TMEM232: variants seen among roughly 807,000 people sequenced by gnomAD.
TMEM232 encodes transmembrane protein 232.
Under a neutral mutation model 78.8 loss-of-function variants are expected in TMEM232, and 80 were observed. That is an observed-to-expected ratio of 1.01 (90% CI 0.85 to 1.22). TMEM232 has a LOEUF of 1.22. Ranked by LOEUF, TMEM232 falls within the 50% of genes most tolerant of loss-of-function variation. The pLI is 0.00. For synonymous variants in TMEM232, 297 were observed against 254.3 expected, an observed-to-expected ratio of 1.17 and a Z score of -1.60; for missense variants, 881 against 742.2, an observed-to-expected ratio of 1.19 and a Z score of -2.17.
At chr5:110,672,344 A>G (rs927918097) in intron 1 of TMEM232, among the ~76,000 whole-genome samples, 29 of 152,198 alleles carry the variant, frequency 1.9e-4, no homozygotes, top group African/African-American at 6.5e-4. Context: ...GGGATGGAAT[A>G]AAACATCAAA....
intron 12 of TMEM232, among the ~76,000 whole-genome samples, chr5:110,481,004 G>A (rs1763802251): frequency 1.3e-5 from 2 of 151,952 alleles, no homozygotes; most frequent in South Asian, 2.1e-4. Context: ...AATAGGCTTG[G>A]TTAGTTGCTA....
intron 10 of TMEM232, among the ~76,000 whole-genome samples, chr5:110,584,553 A>G (rs1013754974): frequency 6.6e-6 from 1 of 151,976 alleles, no homozygotes; most frequent in African/African-American, 2.4e-5. Context: ...TACAAGATGA[A>G]TAAGTTCTAG....
At chr5:110,723,569 G>T (rs1797866929) in intron 1 of TMEM232, among the ~76,000 whole-genome samples, 1 of 152,030 alleles carries the variant, frequency 6.6e-6, no homozygotes, top group Non-Finnish European at 1.5e-5. Flanking sequence ...TAGACTGTTA[G>T]CTATTAGCAA....
intron 12 of TMEM232, among the ~76,000 whole-genome samples, chr5:110,463,800 C>A (rs1021331629): frequency 1.3e-5 from 2 of 152,152 alleles, no homozygotes; most frequent in Non-Finnish European, 2.9e-5. Flanking sequence ...TACTCCACAC[C>A]CTCCATTGCA....
At chr5:110,611,372 T>C (rs956384893) in intron 8 of TMEM232, among the ~76,000 whole-genome samples, 3 of 152,170 alleles carry the variant, frequency 2.0e-5, no homozygotes, top group Non-Finnish European at 2.9e-5. Context: ...TTAGCCTGTC[T>C]GTTAAAAGGC....
intron 1 of TMEM232, among the ~76,000 whole-genome samples, chr5:110,721,507 A>G (rs899478538): frequency 5.3e-5 from 8 of 151,070 alleles, no homozygotes; most frequent in African/African-American, 1.7e-4. Flanking sequence ...AGAGTACCTC[A>G]TAAGTAAGAA....
chr5:110,628,045 A>T (rs1324100111), intron 5 of TMEM232, among the ~76,000 whole-genome samples, 165 bp from the exon 6 acceptor site: 1 of 152,100 alleles, frequency 6.6e-6, no homozygotes, highest in African/African-American at 2.4e-5. Flanking sequence ...ATTTATATCA[A>T]GATTGAAATG....
chr5:110,696,148 C>T (rs1239141428), intron 1 of TMEM232, among the ~76,000 whole-genome samples: 1 of 152,106 alleles, frequency 6.6e-6, no homozygotes, highest in Non-Finnish European at 1.5e-5. Context: ...GCTGGTTCAC[C>T]ATACGAAAAT....
chr5:110,693,063 C>T (rs1000579528), intron 1 of TMEM232, among the ~76,000 whole-genome samples: 5 of 152,162 alleles, frequency 3.3e-5, no homozygotes, highest in African/African-American at 1.2e-4. Context: ...CCAGTAGGGG[C>T]GGTCTGACAC....
intron 3 of TMEM232, among the ~76,000 whole-genome samples, chr5:110,396,688 G>A (rs1195526993): frequency 6.6e-6 from 1 of 152,116 alleles, no homozygotes; most frequent in African/African-American, 2.4e-5. Context: ...GATTTCTCCA[G>A]GCTACAAATT....
intron 13 of TMEM232, among the ~76,000 whole-genome samples, chr5:110,422,811 G>C (rs1756814290): frequency 6.6e-6 from 1 of 152,060 alleles, no homozygotes; most frequent in Admixed American, 6.5e-5. Flanking sequence ...TGGTGACCAT[G>C]ACAACAGATC....
intron 12 of TMEM232, among the ~76,000 whole-genome samples, chr5:110,438,995 AATAAG>A (rs910836489): frequency 8.5e-5 from 13 of 152,128 alleles, no homozygotes; most frequent in Admixed American, 3.3e-4. Flanking sequence ...TGGGCACATA[AATAAG>A]ATATTTTTAT....
intron 2 of TMEM232, among the ~76,000 whole-genome samples, chr5:110,403,579 G>C (rs1755682319): frequency 6.6e-6 from 1 of 152,050 alleles, no homozygotes. Flanking sequence ...TGATGCTGCA[G>C]ACCTGCTGCA....
rs181458221 is a variant in TMEM232, at chr5:110,477,023, A to C, written c.1703+51565T>G. Among the ~76,000 whole-genome samples the C allele has an allele frequency of 1.6e-3, 241 of 152,110 alleles. 2 individuals are homozygous for C. The highest frequency in any genetic ancestry group is 5.6e-3 in the African/African-American group (233 of 41,554). On this transcript the variant is annotated intron_variant, in intron 12 of 13. Transcript: ENST00000455884. Reference sequence around the variant, plus strand: ...GAAATCAGATCTCCTTTTGGGAATAAATTAACTGTATGACTGGGCTCTATT... The same window carrying C: ...GAAATCAGATCTCCTTTTGGGAATACATTAACTGTATGACTGGGCTCTATT...
chr5:110,720,343 G>C (rs896397024), intron 1 of TMEM232, among the ~76,000 whole-genome samples: 1 of 152,096 alleles, frequency 6.6e-6, no homozygotes, highest in Non-Finnish European at 1.5e-5. Flanking sequence ...ACTGGGTGAA[G>C]TAAGGGAGCC....
chr5:110,397,287 G>A (rs924062653), intron 3 of TMEM232, among the ~76,000 whole-genome samples: 6 of 152,078 alleles, frequency 3.9e-5, no homozygotes, highest in Non-Finnish European at 7.4e-5. Flanking sequence ...TGAAAAACAT[G>A]TATAACATAC....
chr5:110,471,548 T>C (rs1002271134), intron 12 of TMEM232, among the ~76,000 whole-genome samples: 4 of 151,528 alleles, frequency 2.6e-5, no homozygotes, highest in Non-Finnish European at 5.9e-5. Context: ...CATTATGATA[T>C]CAGTGAACTT....
chr5:110,455,308 A>G (rs1470548505), intron 12 of TMEM232, among the ~76,000 whole-genome samples: 1 of 152,218 alleles, frequency 6.6e-6, no homozygotes, highest in African/African-American at 2.4e-5. Flanking sequence ...CTGCCCTGAT[A>G]TTAAAACAAA....
chr5:110,472,846 G>A (rs1292130414), intron 12 of TMEM232, among the ~76,000 whole-genome samples: 2 of 151,876 alleles, frequency 1.3e-5, no homozygotes, highest in Non-Finnish European at 2.9e-5. Flanking sequence ...TTCAATAAAT[G>A]ATGGTTGGAA....
Sources: gnomAD v4.1 joint callset for allele counts (sites outside exome capture counted in the v4.1 genomes callset) on GRCh38, gnomAD v4.1.1 for gene constraint, MANE v1.5 for transcripts, NCBI Gene and HGNC (gene_info 2026-07-23, HGNC 2026-07-21) for gene names.